DIABLO: variants seen among roughly 807,000 people sequenced by gnomAD.
The protein encoded by DIABLO is diablo homolog, mitochondrial.
In DIABLO, 32 loss-of-function variants were observed where a neutral mutation model predicts 31.7. The observed-to-expected ratio is 1.01, with a 90% confidence interval of 0.76 to 1.35. DIABLO has a LOEUF of 1.35. DIABLO is among the 40% of genes most tolerant of loss of function. The pLI, the probability that DIABLO is intolerant of heterozygous loss-of-function variation, is 0.00. For synonymous variants in DIABLO, 132 were observed against 103.2 expected, an observed-to-expected ratio of 1.28 and a Z score of -1.69; for missense variants, 316 against 286.4, an observed-to-expected ratio of 1.10 and a Z score of -0.75.
At chr12:122,211,326 G>A (rs766433043) in intron 5 of DIABLO, among the ~76,000 whole-genome samples, 1 of 152,156 alleles carries the variant, frequency 6.6e-6, no homozygotes, top group South Asian at 2.1e-4. Context: ...TTGACCCTGG[G>A]AGGCAGAAGT....
chr12:122,211,540 C>G (rs1211280489), intron 5 of DIABLO, among the ~76,000 whole-genome samples: 1 of 150,814 alleles, frequency 6.6e-6, no homozygotes, highest in African/African-American at 2.4e-5. Flanking sequence ...AAGACACCAA[C>G]TCTTAAAAAA....
rs1231934006 is a variant in DIABLO at position 122,208,228 on chromosome 12, A to G, written c.*153T>C. On this transcript the variant is annotated 3_prime_UTR_variant, in exon 6 of 6. Transcript: ENST00000464942. The stretch of plus-strand genomic sequence containing the variant: ...GCGCAAGCCTGAGACCACAGGAGGC[A>G]CTCACAGCTCACAAAGGCGTCTCGC... 33 of 860,584 alleles carry G rather than the reference A, an allele frequency of 3.8e-5. No individual in the cohort carries two copies. Among genetic ancestry groups the G allele is most frequent in the Non-Finnish European group, 4.9e-5 (26 of 531,008 alleles). The allele number at this position is 860,584 out of a possible 1,614,324, so 53.3% of individuals were successfully genotyped here. A position where few individuals can be genotyped will look rare whatever the true frequency, so the allele number is the denominator to read the frequency against.
Position 122,207,684 on chromosome 12 carries a change from T to C in DIABLO, c.*697A>G. On this transcript the variant is annotated 3_prime_UTR_variant, in exon 6 of 6. Transcript: ENST00000464942. Reference sequence around the variant, plus strand: ...GCATAGGACCCCAGGAGAGACGCATTTTCTCTTTCAGATGCAAACAAAATC... The same window carrying C: ...GCATAGGACCCCAGGAGAGACGCATCTTCTCTTTCAGATGCAAACAAAATC... 1.6e-6 allele frequency: 1 copy of C among 608,116 alleles called. No individual in the cohort carries two copies. Among genetic ancestry groups the C allele is most frequent in the Non-Finnish European group, 3.1e-6 (1 of 326,142 alleles). The allele number at this position is 608,116 out of a possible 1,614,324, so 37.7% of individuals were successfully genotyped here.
chr12:122,225,945 C>T lies in DIABLO; in HGVS notation c.50+20G>A. The stretch of plus-strand genomic sequence containing the variant: ...GTCCCTCCCTCTGGTCCTGTCCCCT[C>T]TACGCGGCCGCAGCGGTACCTGAAG... On this transcript the variant is annotated intron_variant, in intron 1 of 5. Transcript: ENST00000464942. 3 of 1,582,956 alleles carry T rather than the reference C, an allele frequency of 1.9e-6. No homozygotes were observed. The highest frequency in any genetic ancestry group is 1.7e-6 in the Non-Finnish European group (2 of 1,165,132).
chr12:122,218,046 CTT>C (rs1197408605), intron 3 of DIABLO, among the ~76,000 whole-genome samples: 2 of 151,214 alleles, frequency 1.3e-5, no homozygotes, highest in African/African-American at 2.4e-5. Flanking sequence ...GCTCAGCAAA[CTT>C]TTTGAAGGGC....
chr12:122,218,794 T>C (rs376570183), intron 2 of DIABLO: 34 of 282,454 alleles, frequency 1.2e-4, no homozygotes, highest in African/African-American at 8.2e-4. Flanking sequence ...ATACAAAAAT[T>C]AGCTGGGCCG....
intron 2 of DIABLO, among the ~76,000 whole-genome samples, chr12:122,218,933 T>TAAAA (rs1193774146): frequency 2.2e-5 from 2 of 91,444 alleles, no homozygotes; most frequent in Non-Finnish European, 4.5e-5. Flanking sequence ...AGAGCAAGAC[T>TAAAA]AAAAAAAAAA....
At chr12:122,222,529 G>C (rs1954355851) in intron 2 of DIABLO, 1 of 150,488 alleles carries the variant, frequency 6.6e-6, no homozygotes, top group East Asian at 2.0e-4. Context: ...TGTGAACCCA[G>C]GAGGCAGAGC....
intron 5 of DIABLO, 149 bp downstream of exon 5, chr12:122,216,339 A>G: frequency 1.5e-6 from 1 of 678,790 alleles, no homozygotes; most frequent in Non-Finnish European, 2.6e-6. Context: ...GTAGGTTAAT[A>G]TGTAGGAAAT....
rs1953961165 is a variant in DIABLO at position 122,207,840 on chromosome 12, T to C, written c.*541A>G. The stretch of plus-strand genomic sequence containing the variant: ...AAACACTCTGCACCCCTTCTCTTAG[T>C]AGTAATAGGTTTTTCACTCCTTGGC... On this transcript the variant is annotated 3_prime_UTR_variant, in exon 6 of 6. Transcript: ENST00000464942. 1 of 461,066 alleles carries C rather than the reference T, an allele frequency of 2.2e-6. No homozygotes were observed. Among genetic ancestry groups the C allele is most frequent in the Non-Finnish European group, 4.3e-6 (1 of 231,580 alleles). The allele number at this position is 461,066 out of a possible 1,614,324, so 28.6% of individuals were successfully genotyped here.
intron 5 of DIABLO, chr12:122,209,080 C>T (rs750411420): frequency 5.3e-5 from 15 of 281,042 alleles, no homozygotes; most frequent in Non-Finnish European, 1.0e-4. Flanking sequence ...GTTTTGAAGG[C>T]CGGGCGCAGT....
chr12:122,225,643 C>T (rs1954445067), intron 1 of DIABLO: 1 of 1,316,638 alleles, frequency 7.6e-7, no homozygotes, highest in South Asian at 1.6e-5. Flanking sequence ...ATGCCGTGTC[C>T]CTCCTCCTCT....
chr12:122,214,324 G>A (rs1954157153), intron 5 of DIABLO, among the ~76,000 whole-genome samples: 1 of 152,106 alleles, frequency 6.6e-6, no homozygotes, highest in African/African-American at 2.4e-5. Context: ...GGGATTGCAG[G>A]TGTGAGCCAC....
At chr12:122,224,880 G>A (rs1449322725) in intron 1 of DIABLO, 9 of 1,420,116 alleles carry the variant, frequency 6.3e-6, no homozygotes, top group Non-Finnish European at 2.8e-6. Flanking sequence ...AGGGCAAGGC[G>A]GGAGGATCAC....
chr12:122,223,446 AAAAAAT>A (rs1566028780), intron 2 of DIABLO, among the ~76,000 whole-genome samples: 1 of 151,890 alleles, frequency 6.6e-6, no homozygotes, highest in Non-Finnish European at 1.5e-5. Flanking sequence ...AAAAAAAAAA[AAAAAAT>A]ATCTTCTGCG....
chr12:122,212,476 G>A (rs1463379311), intron 5 of DIABLO, among the ~76,000 whole-genome samples: 1 of 152,060 alleles, frequency 6.6e-6, no homozygotes. Context: ...CTAGGTTATG[G>A]ATTTATCGTC....
chr12:122,209,587 C>T, intron 5 of DIABLO: 1 of 574,884 alleles, frequency 1.7e-6, no homozygotes, highest in East Asian at 2.9e-5. Flanking sequence ...ATTGCTTGAA[C>T]CTGGGAGGCG....
rs925678086 is a variant in DIABLO at position 122,207,673 on chromosome 12, G to A, written c.*708C>T. On this transcript the variant is annotated 3_prime_UTR_variant, in exon 6 of 6. Coordinates refer to ENST00000464942, the MANE Select transcript of DIABLO (RefSeq NM_001371333.1). ...GGAAGGAGGCTGCATAGGACCCCAG[G>A]AGAGACGCATTTTCTCTTTCAGATG... 1 of 632,222 alleles carries A rather than the reference G, an allele frequency of 1.6e-6. No individual in the cohort carries two copies. 39.2% of individuals were successfully genotyped at this position (632,222 alleles called of 1,614,324 possible). A position where few individuals can be genotyped will look rare whatever the true frequency, so the allele number is the denominator to read the frequency against.
At chr12:122,208,805 ACAT>A (rs1363182400) in intron 5 of DIABLO, 1 of 641,380 alleles carries the variant, frequency 1.6e-6, no homozygotes, top group Non-Finnish European at 2.9e-6. Context: ...TCAGCGGCCA[ACAT>A]CACAATTATT....
Sources: gnomAD v4.1 joint callset for allele counts (sites outside exome capture counted in the v4.1 genomes callset) on GRCh38, gnomAD v4.1.1 for gene constraint, MANE v1.5 for transcripts, NCBI Gene and HGNC (gene_info 2026-07-23, HGNC 2026-07-21) for gene names.